PLPPR1: variants seen among roughly 807,000 people sequenced by gnomAD.
PLPPR1 encodes phospholipid phosphatase related 1.
In PLPPR1, 10 loss-of-function variants were observed where a neutral mutation model predicts 33.1. That is an observed-to-expected ratio of 0.30 (90% CI 0.19 to 0.51). The LOEUF is 0.51. PLPPR1 is among the 20% of genes least tolerant of loss of function. PLPPR1 has a pLI of 0.97. For missense variants in PLPPR1, 304 were observed against 408.1 expected, an observed-to-expected ratio of 0.74 and a Z score of 2.20; for synonymous variants, 151 against 151.0, an observed-to-expected ratio of 1.00 and a Z score of 0.00.
chr9:101,267,315 G>A lies in PLPPR1; in HGVS notation c.64-2565G>A, dbSNP rs148115450. ...ACCTATTAGTAGGGGTAGCTTTGGA[G>A]TATCTCTCTCAATCTTTCAGGAAAC... is the stretch of plus-strand genomic sequence containing the variant. On this transcript the variant is annotated intron_variant, in intron 2 of 7. Coordinates refer to ENST00000374874, the MANE Select transcript of PLPPR1 (RefSeq NM_207299.2). Among the ~76,000 whole-genome samples the A allele has an allele frequency of 3.7e-3, 567 of 152,332 alleles. 4 individuals carry two copies. Among genetic ancestry groups the A allele is most frequent in the African/African-American group, 0.013 (544 of 41,568 alleles).
intron 1 of PLPPR1, among the ~76,000 whole-genome samples, chr9:101,172,379 A>T (rs184531258): frequency 6.6e-6 from 1 of 152,218 alleles, no homozygotes; most frequent in African/African-American, 2.4e-5. Context: ...ATATGCTGCA[A>T]GGAGTACTTT....
At chr9:101,240,189 A>G (rs1321570914) in intron 2 of PLPPR1, among the ~76,000 whole-genome samples, 1 of 152,000 alleles carries the variant, frequency 6.6e-6, no homozygotes, top group African/African-American at 2.4e-5. Context: ...ACCTTTGTTG[A>G]AAAATCAGTT....
intron 2 of PLPPR1, among the ~76,000 whole-genome samples, chr9:101,257,241 C>T (rs541791330): frequency 2.0e-5 from 3 of 152,168 alleles, no homozygotes; most frequent in Non-Finnish European, 4.4e-5. Context: ...CACACTCCCT[C>T]TTCTTTCCCA....
intron 1 of PLPPR1, among the ~76,000 whole-genome samples, chr9:101,175,295 A>G (rs1044692675): frequency 1.3e-5 from 2 of 152,206 alleles, no homozygotes; most frequent in African/African-American, 2.4e-5. Context: ...TTTCTTCATG[A>G]AAAAATTAAA....
intron 1 of PLPPR1, among the ~76,000 whole-genome samples, chr9:101,065,112 A>G (rs1412206032): frequency 6.6e-6 from 1 of 152,094 alleles, no homozygotes; most frequent in African/African-American, 2.4e-5. Flanking sequence ...CATATCAACC[A>G]GGAGGGAATG....
Position 101,077,577 on chromosome 9 carries a change from T to C in PLPPR1, c.-46+48475T>C, listed in dbSNP as rs148157452. Among the ~76,000 whole-genome samples, 11 of 152,288 alleles carry C rather than the reference T, an allele frequency of 7.2e-5. No individual in the cohort carries two copies. In the East Asian group the frequency reaches 2.1e-3, roughly 29 times the overall value. ...TAGAGATTAGTGTGCAGAAAATTTA[T>C]TGGAGGATGTGCTCAGAATAGCACC... On this transcript the variant is annotated intron_variant, in intron 1 of 7. Coordinates refer to ENST00000374874, the MANE Select transcript of PLPPR1 (RefSeq NM_207299.2).
intron 7 of PLPPR1, among the ~76,000 whole-genome samples, chr9:101,320,783 G>T (rs1001223769): frequency 4.6e-5 from 7 of 152,096 alleles, no homozygotes; most frequent in African/African-American, 1.7e-4. Context: ...ATACTGTATT[G>T]GTTTTATTAT....
At position 101,309,383 on chromosome 9, in the gene PLPPR1, G is replaced by A; in HGVS notation, c.558G>A (p.Leu186=). 1.2e-6 allele frequency: 2 copies of A among 1,614,058 alleles called. No homozygotes were observed. The highest frequency in any genetic ancestry group is 1.7e-6 in the Non-Finnish European group (2 of 1,180,008). The part of the protein sequence containing the change: ...INNGNICTGD[L]EVIEKARRSF... ...ATGGGAACATTTGTACTGGGGACCT[G>A]GAAGTGATAGAAAAGGCTCGGAGAT... The change falls in exon 5 of 8, where the codon CTG becomes CTA. Residue 186 remains leucine, a synonymous_variant. Coordinates refer to ENST00000374874, the MANE Select transcript of PLPPR1 (RefSeq NM_207299.2).
At chr9:101,230,717 A>G (rs559102377) in intron 2 of PLPPR1, among the ~76,000 whole-genome samples, 4 of 152,202 alleles carry the variant, frequency 2.6e-5, no homozygotes, top group African/African-American at 9.6e-5. Flanking sequence ...CAACTGATTC[A>G]AAACCCATCG....
At chr9:101,197,895 C>T (rs567645926) in intron 2 of PLPPR1, among the ~76,000 whole-genome samples, 1 of 152,120 alleles carries the variant, frequency 6.6e-6, no homozygotes, top group Non-Finnish European at 1.5e-5. Context: ...TCTCAAAGCA[C>T]AATAGAAATA....
At chr9:101,295,496 C>A (rs1046383185) in intron 4 of PLPPR1, among the ~76,000 whole-genome samples, 1 of 152,136 alleles carries the variant, frequency 6.6e-6, no homozygotes, top group East Asian at 1.9e-4. Flanking sequence ...ATCACCAATT[C>A]AATCCTAAGC....
intron 4 of PLPPR1, among the ~76,000 whole-genome samples, chr9:101,296,117 C>T (rs1828631586): frequency 6.6e-6 from 1 of 151,952 alleles, no homozygotes; most frequent in South Asian, 2.1e-4. Context: ...AAAAAAACAA[C>T]CCCATCAAAA....
At chr9:101,068,038 G>T (rs182191661) in intron 1 of PLPPR1, among the ~76,000 whole-genome samples, 8 of 152,030 alleles carry the variant, frequency 5.3e-5, no homozygotes, top group African/African-American at 1.9e-4. Context: ...GGTGTCTAAA[G>T]TACACATTAG....
intron 2 of PLPPR1, among the ~76,000 whole-genome samples, chr9:101,231,366 T>G (rs1284005528): frequency 2.0e-5 from 3 of 151,632 alleles, no homozygotes; most frequent in Non-Finnish European, 4.4e-5. Flanking sequence ...TCGTTTGTTT[T>G]TTTTTTTTTT....
chr9:101,100,788 G>C (rs1305854063), intron 1 of PLPPR1, among the ~76,000 whole-genome samples: 1 of 147,470 alleles, frequency 6.8e-6, no homozygotes, highest in East Asian at 2.1e-4. Context: ...ATTTCCCCAG[G>C]TTCTTTATAA....
chr9:101,200,764 C>T (rs1329513458), intron 2 of PLPPR1, among the ~76,000 whole-genome samples: 1 of 152,118 alleles, frequency 6.6e-6, no homozygotes, highest in African/African-American at 2.4e-5. Context: ...TTGAGAACAT[C>T]TTCAGATTTT....
chr9:101,049,813 AAG>A (rs2118440498), intron 1 of PLPPR1, among the ~76,000 whole-genome samples: 1 of 152,006 alleles, frequency 6.6e-6, no homozygotes, highest in Non-Finnish European at 1.5e-5. Context: ...TCTTCTTAAT[AAG>A]AGCCTTGATT....
At chr9:101,310,062 G>A (rs1828928644) in intron 5 of PLPPR1, among the ~76,000 whole-genome samples, 1 of 152,138 alleles carries the variant, frequency 6.6e-6, no homozygotes, top group East Asian at 1.9e-4. Context: ...GCCATTGACT[G>A]CCCCACTGGG....
At chr9:101,117,070 C>T (rs770417109) in intron 1 of PLPPR1, among the ~76,000 whole-genome samples, 7 of 152,022 alleles carry the variant, frequency 4.6e-5, no homozygotes, top group Non-Finnish European at 8.8e-5. Flanking sequence ...CCCTCTGCAA[C>T]CCTTAGGATT....
Sources: gnomAD v4.1 joint callset for allele counts (sites outside exome capture counted in the v4.1 genomes callset) on GRCh38, gnomAD v4.1.1 for gene constraint, MANE v1.5 for transcripts, NCBI Gene and HGNC (gene_info 2026-07-23, HGNC 2026-07-21) for gene names.